Variants in SLC2A11 observed in about 807,000 individuals in gnomAD.
SLC2A11 encodes the protein solute carrier family 2 member 11.
A neutral mutation model predicts 52.1 loss-of-function variants in SLC2A11; 43 were observed. The ratio of observed to expected loss-of-function variants is 0.82; its 90% CI spans 0.65 to 1.06. SLC2A11 has a LOEUF of 1.06. Among genes scored for constraint, SLC2A11 ranks in the 50% least tolerant of loss-of-function variants. The probability of loss-of-function intolerance (pLI) is 0.00; values close to 1 mark genes in which losing one functional copy is unlikely to be tolerated. For missense variants in SLC2A11, 582 were observed against 654.2 expected (o/e 0.89, Z 1.20); for synonymous variants, 261 against 277.6 (o/e 0.94, Z 0.59).
At chr22:23,857,073 T>TGGGGGG (rs60895711), upstream of SLC2A11, 6 of 409,876 alleles carry the variant, frequency 1.5e-5, no homozygotes, top group Admixed American at 4.6e-5. Flanking sequence ...TGTGTGTGTG[T>TGGGGGG]GGGGGGGGGG....
In SLC2A11 at chr22:23,877,072, T is replaced by C. The variant is rs1555886498; in HGVS notation, c.446T>C (p.Leu149Pro). 6.2e-7 allele frequency: 1 copy of C among 1,613,900 alleles called. No individual in the cohort carries two copies. Among genetic ancestry groups the C allele is most frequent in the South Asian group, 1.1e-5 (1 of 91,070 alleles). ...AGCATGAACATCCAGCCCATGTACC[T>C]GGGGGAGAGCGCCCCTAAGGAGCTC... ...GVSMNIQPMY[L>P]GESAPKELRG... Residue 149 changes from leucine (L) to proline (P), a missense_variant, in exon 5 of 12, where the codon CTG becomes CCG. By Grantham distance (98) the Leu-to-Pro change is moderately conservative. Coordinates refer to ENST00000316185, the MANE Select transcript of SLC2A11 (RefSeq NM_001024939.4).
At chr22:23,861,053 G>C (rs2032039949) in intron 1 of SLC2A11, among the ~76,000 whole-genome samples, 2 of 151,718 alleles carry the variant, frequency 1.3e-5, no homozygotes, top group Non-Finnish European at 2.9e-5. Flanking sequence ...CACCGTGTTA[G>C]CCAGGATGGT....
chr22:23,881,144 A>T (rs2032782608), intron 6 of SLC2A11: 1 of 151,464 alleles, frequency 6.6e-6, no homozygotes, highest in African/African-American at 2.4e-5. Flanking sequence ...GAAACAAAAA[A>T]AGCAATTATT....
In SLC2A11 at chr22:23,877,874, G is replaced by T. The variant is rs1240220025; in HGVS notation, c.694+5G>T. On this transcript the variant is annotated splice_donor_5th_base_variant and intron_variant, in intron 6 of 11. Transcript: ENST00000316185. Reference sequence around the variant, plus strand: ...ACACCGAGGCCTGCCTGGCAGGTGAGTCTCTGTCCTTGGGCTCCCAGACTG... The same window carrying T: ...ACACCGAGGCCTGCCTGGCAGGTGATTCTCTGTCCTTGGGCTCCCAGACTG... 3 of 1,607,418 alleles carry T rather than the reference G, an allele frequency of 1.9e-6. No homozygotes were observed. The highest frequency in any genetic ancestry group is 1.3e-5 in the African/African-American group (1 of 74,808).
At chr22:23,883,220 C>T in intron 8 of SLC2A11, 2 of 385,842 alleles carry the variant, frequency 5.2e-6, no homozygotes, top group South Asian at 4.2e-5. Flanking sequence ...CGAGATGGTG[C>T]CATTGCACTC....
At chr22:23,878,382 C>T (rs1243194932) in intron 6 of SLC2A11, among the ~76,000 whole-genome samples, 1 of 152,182 alleles carries the variant, frequency 6.6e-6, no homozygotes, top group Non-Finnish European at 1.5e-5. Flanking sequence ...TGAGGTTCAG[C>T]TGCTGGTTGG....
chr22:23,872,277 C>T (rs940047664), intron 3 of SLC2A11: 3 of 152,038 alleles, frequency 2.0e-5, no homozygotes, highest in Non-Finnish European at 4.4e-5. Context: ...CCTGGGAGGT[C>T]GAGGCTGCAG....
At chr22:23,865,224 G>T (rs189075427) in intron 2 of SLC2A11, 1 of 151,798 alleles carries the variant, frequency 6.6e-6, no homozygotes, top group Non-Finnish European at 1.5e-5. Context: ...CAAGACCAGC[G>T]TGACCAACAT....
In SLC2A11 at chr22:23,884,983, G is replaced by T. The variant is rs1377822142; in HGVS notation, c.*134G>T. ...TGAGCACCCTTTGTGTGCAGACATG[G>T]CTCCAGGTGCTTAGCAATCAATGGT... On this transcript the variant is annotated 3_prime_UTR_variant, in exon 12 of 12. Transcript: ENST00000316185. The surrounding 1 kb of genome is among the most constrained non-coding windows in gnomAD (Gnocchi z 4.3). 1.5e-6 allele frequency: 1 copy of T among 682,312 alleles called. No homozygotes were observed. Among genetic ancestry groups the T allele is most frequent in the Non-Finnish European group, 2.5e-6 (1 of 406,968 alleles). The allele number at this position is 682,312 out of a possible 1,614,324, so 42.3% of individuals were successfully genotyped here. A position where few individuals can be genotyped will look rare whatever the true frequency, so the allele number is the denominator to read the frequency against.
Position 23,882,647 on chromosome 22 carries a change from G to A in SLC2A11, c.882+1G>A, listed in dbSNP as rs778504030. 4 of 1,610,982 alleles carry A rather than the reference G, an allele frequency of 2.5e-6. No homozygotes were observed. The highest frequency in any genetic ancestry group is 2.5e-6 in the Non-Finnish European group (3 of 1,178,334). On this transcript the variant is annotated splice_donor_variant, in intron 7 of 11. Transcript: ENST00000316185. LOFTEE classifies it high-confidence loss of function. Reference sequence around the variant, plus strand: ...CATGGAGCTCTGCGGGAATGACTCGGTGAGACCCCTGCCCCGCCGCACACC... The same window carrying A: ...CATGGAGCTCTGCGGGAATGACTCGATGAGACCCCTGCCCCGCCGCACACC...
intron 6 of SLC2A11, 56 bp downstream of exon 6, chr22:23,877,925 C>T: frequency 6.5e-7 from 1 of 1,547,514 alleles, no homozygotes; most frequent in Non-Finnish European, 8.7e-7. Flanking sequence ...TGCATCTCCC[C>T]AGAGTATACG....
At chr22:23,857,737 G>T, upstream of SLC2A11, 5 of 1,293,758 alleles carry the variant, frequency 3.9e-6, no homozygotes, top group East Asian at 2.5e-5. Context: ...TGAGTCTCAG[G>T]CCTTAGTCCC....
At position 23,885,476 on chromosome 22, in the gene SLC2A11, T is replaced by A. The variant is rs960626708; in HGVS notation, c.*627T>A. On this transcript the variant is annotated 3_prime_UTR_variant, in exon 12 of 12. Transcript: ENST00000316185. Reference sequence around the variant, plus strand: ...ACTTTGGGAGGCCAAGATGGGAAGATTGCTTTGAGACCAGAAGTTTGAGAC... The same window carrying A: ...ACTTTGGGAGGCCAAGATGGGAAGAATGCTTTGAGACCAGAAGTTTGAGAC... 1 of 151,154 alleles carries A rather than the reference T, an allele frequency of 6.6e-6. No individual in the cohort carries two copies. Among genetic ancestry groups the A allele is most frequent in the East Asian group, 1.9e-4 (1 of 5,144 alleles). The allele number at this position is 151,154 out of a possible 1,614,324, so 9.4% of individuals were successfully genotyped here. A position where few individuals can be genotyped will look rare whatever the true frequency, so the allele number is the denominator to read the frequency against.
chr22:23,857,584 C>CT, upstream of SLC2A11: 1 of 1,489,098 alleles, frequency 6.7e-7, no homozygotes, highest in Non-Finnish European at 9.2e-7. Flanking sequence ...CAAACCCCCC[C>CT]CCCGCGGCGG....
upstream of SLC2A11, chr22:23,857,137 A>G (rs1261391130): frequency 1.7e-6 from 2 of 1,163,330 alleles, no homozygotes; most frequent in African/African-American, 1.6e-5. Flanking sequence ...GGCCCTCCGG[A>G]GAACGCCCAG....
upstream of SLC2A11, chr22:23,857,589 C>T: frequency 7.2e-7 from 1 of 1,380,790 alleles, no homozygotes; most frequent in South Asian, 1.2e-5. Flanking sequence ...CCCCCCCCCG[C>T]GGCGGCGACT....
intron 6 of SLC2A11, chr22:23,881,211 G>A (rs2032784114): frequency 6.6e-6 from 1 of 151,930 alleles, no homozygotes; most frequent in South Asian, 2.1e-4. Context: ...TCTGGCTGAT[G>A]GCTCTGCTGA....
chr22:23,864,425 G>C (rs184626761), intron 2 of SLC2A11, among the ~76,000 whole-genome samples: 1 of 152,112 alleles, frequency 6.6e-6, no homozygotes, highest in African/African-American at 2.4e-5. Context: ...GGGTTCAAGC[G>C]ATTCTGCCTC....
chr22:23,861,023 T>C (rs565075314), intron 1 of SLC2A11, among the ~76,000 whole-genome samples: 6 of 151,910 alleles, frequency 3.9e-5, no homozygotes, highest in Non-Finnish European at 5.9e-5. Flanking sequence ...TTTTTTGTAT[T>C]TTTAGTAGAG....
Sources: gnomAD v4.1 joint callset for allele counts (sites outside exome capture counted in the v4.1 genomes callset) on GRCh38, gnomAD v4.1.1 for gene constraint, Gnocchi (gnomAD v3.1) non-coding constraint, MANE v1.5 for transcripts, NCBI Gene and HGNC (gene_info 2026-07-23, HGNC 2026-07-21) for gene names.